Variants in RASL12 observed in about 807,000 individuals in gnomAD.
RASL12 encodes ras-like protein family member 12.
Under a neutral mutation model 22.9 loss-of-function variants are expected in RASL12, and 16 were observed. The observed-to-expected ratio is 0.70, with a 90% CI of 0.47 to 1.06. RASL12 has a LOEUF of 1.06. Ranked by LOEUF, RASL12 falls within the 50% of genes least tolerant of loss-of-function variation. The pLI, the probability that RASL12 is intolerant of heterozygous loss-of-function variation, is 0.00. For synonymous variants in RASL12, 159 were observed against 152.2 expected (o/e 1.04, Z -0.33); for missense variants, 306 against 353.1 (o/e 0.87, Z 1.07).
upstream of RASL12, chr15:65,068,042 C>T: frequency 9.0e-7 from 1 of 1,111,592 alleles, no homozygotes; most frequent in Middle Eastern, 3.9e-4. The surrounding 1 kb of genome is among the most constrained non-coding windows in gnomAD (Gnocchi z 4.2). Context: ...CGGGGCCACC[C>T]CAAGCGCCAC....
chr15:65,067,626 A>G, intron 1 of RASL12, 107 bp downstream of exon 1: 27 of 1,306,578 alleles, frequency 2.1e-5, no homozygotes, highest in Non-Finnish European at 2.6e-5. Flanking sequence ...GGGTGAAGGA[A>G]GCTCCCCAAG....
At chr15:65,076,384 G>A in intron 1 of RASL12, 1 of 456,966 alleles carries the variant, frequency 2.2e-6, no homozygotes. Flanking sequence ...TGCCTTAAGA[G>A]CTGTAACACT....
downstream of RASL12, chr15:65,049,800 GTC>G: frequency 8.8e-6 from 3 of 340,674 alleles, no homozygotes; most frequent in East Asian, 5.2e-5. Flanking sequence ...GGTCGTTTTT[GTC>G]CCATAACTTT....
At chr15:65,063,470 G>A (rs2086837751) in intron 2 of RASL12, among the ~76,000 whole-genome samples, 1 of 152,086 alleles carries the variant, frequency 6.6e-6, no homozygotes, top group South Asian at 2.1e-4. Flanking sequence ...TCCTCTCTCT[G>A]GAGCTGACCT....
upstream of RASL12, among the ~76,000 whole-genome samples, chr15:65,072,193 G>A (rs1287269509): frequency 6.6e-6 from 1 of 152,146 alleles, no homozygotes; most frequent in Non-Finnish European, 1.5e-5. Flanking sequence ...GTATTCATGG[G>A]GACTTCTGCC....
downstream of RASL12, among the ~76,000 whole-genome samples, chr15:65,051,065 A>C (rs2086647650): frequency 6.6e-6 from 1 of 151,838 alleles, no homozygotes; most frequent in Non-Finnish European, 1.5e-5. Context: ...GCTGGTCTTG[A>C]ACTCCCGACC....
At chr15:65,057,183 T>C (rs1413617897) in intron 4 of RASL12, among the ~76,000 whole-genome samples, 1 of 152,222 alleles carries the variant, frequency 6.6e-6, no homozygotes, top group South Asian at 2.1e-4. Context: ...CCACGGCCCA[T>C]CTGACCCGTT....
chr15:65,049,810 T>A, downstream of RASL12: 129 of 387,472 alleles, frequency 3.3e-4, no homozygotes, highest in Middle Eastern at 1.4e-3. Flanking sequence ...GTCCCATAAC[T>A]TTGGGCCAGA....
rs2140511330 is a variant in RASL12, at chr15:65,053,337, TTC to T, written c.*1560_*1561del. 1.4e-6 allele frequency: 2 copies of T among 1,419,876 alleles called. No homozygotes were observed. The highest frequency in any genetic ancestry group is 1.8e-6 in the Non-Finnish European group (2 of 1,094,886). 88.0% of individuals were successfully genotyped at this position (1,419,876 alleles called of 1,614,324 possible). On this transcript the variant is annotated 3_prime_UTR_variant, in exon 5 of 5. Coordinates refer to ENST00000220062, the MANE Select transcript of RASL12 (RefSeq NM_016563.4). ...TGAATGAACTGCAAGCAAACTAAAA[TTC>T]TGTTATTAAAAAAAATCTTTTATTA...
At chr15:65,076,412 G>A in intron 1 of RASL12, 5 of 515,362 alleles carry the variant, frequency 9.7e-6, no homozygotes, top group Non-Finnish European at 1.7e-5. Flanking sequence ...AAGGTCTGCA[G>A]CTTCACTCCT....
chr15:65,069,511 A>G (rs534793075), upstream of RASL12, among the ~76,000 whole-genome samples: 50 of 152,356 alleles, frequency 3.3e-4, 1 homozygote, highest in African/African-American at 1.1e-3. Context: ...CACGGGCCCA[A>G]CTGCATGTAA....
upstream of RASL12, among the ~76,000 whole-genome samples, chr15:65,072,472 T>C (rs1452313676): frequency 3.3e-5 from 5 of 152,180 alleles, no homozygotes; most frequent in African/African-American, 1.2e-4. Context: ...CACCTTCTAC[T>C]TGGTCATTGT....
chr15:65,052,931 G>A, downstream of RASL12: 2 of 1,568,262 alleles, frequency 1.3e-6, no homozygotes, highest in African/African-American at 1.4e-5. Flanking sequence ...CAACCACTCA[G>A]CCCCCCTCAT....
At chr15:65,063,200 C>A (rs935674642) in intron 2 of RASL12, among the ~76,000 whole-genome samples, 4 of 90,470 alleles carry the variant, frequency 4.4e-5, no homozygotes, top group Non-Finnish European at 9.3e-5. Flanking sequence ...CCAGTTAAAT[C>A]TGAATCTCAA....
chr15:65,076,473 T>TGAACATCA, intron 1 of RASL12: 1 of 653,372 alleles, frequency 1.5e-6, no homozygotes, highest in Non-Finnish European at 2.8e-6. Flanking sequence ...CAAACACATC[T>TGAACATCA]GAACATCAGA....
intron 2 of RASL12, among the ~76,000 whole-genome samples, chr15:65,061,187 A>AT (rs57487048): frequency 0.37 from 55,742 of 152,072 alleles, 11,083 homozygotes; most frequent in East Asian, 0.76. Flanking sequence ...TTGTAGAGAG[A>AT]TGGCAAGGTG....
chr15:65,060,131 G>A (rs1463479117), intron 2 of RASL12, among the ~76,000 whole-genome samples: 4 of 152,134 alleles, frequency 2.6e-5, no homozygotes, highest in South Asian at 4.1e-4. Context: ...TGTCCCAGGC[G>A]CTGTGCTAAG....
intron 1 of RASL12, 52 bp downstream of exon 1, chr15:65,067,681 C>A (rs925254399): frequency 7.3e-6 from 11 of 1,499,244 alleles, no homozygotes; most frequent in Non-Finnish European, 8.9e-6. Flanking sequence ...ACTGTCCCCC[C>A]ACCCACGCCC....
rs553715110 is a variant in RASL12, at chr15:65,065,330, C to G, written c.104-57G>C. 1.7e-5 allele frequency: 26 copies of G among 1,548,786 alleles called. No individual in the cohort carries two copies. In the African/African-American group the frequency reaches 2.8e-4, roughly 17 times the overall value. On this transcript the variant is annotated intron_variant, in intron 1 of 4. Coordinates refer to ENST00000220062, the MANE Select transcript of RASL12 (RefSeq NM_016563.4). Reference sequence around the variant, plus strand: ...TCCGCGGCCATGTCTAGCTGCTGGCCCCTCGTTTAAGGGAGGCCTTATCTA... The same window carrying G: ...TCCGCGGCCATGTCTAGCTGCTGGCGCCTCGTTTAAGGGAGGCCTTATCTA...
Sources: allele counts gnomAD v4.1 joint callset (sites outside exome capture counted in the v4.1 genomes callset), GRCh38; gene constraint gnomAD v4.1.1; non-coding constraint Gnocchi (gnomAD v3.1); transcripts MANE v1.5; gene names NCBI Gene and HGNC (gene_info 2026-07-23, HGNC 2026-07-21).